EPHA6: variants seen among roughly 807,000 people sequenced by gnomAD.
EPHA6 encodes the protein EPH receptor A6.
In EPHA6, 50 loss-of-function variants were observed where a neutral mutation model predicts 112.0. The observed-to-expected ratio is 0.45, with a 90% confidence interval of 0.36 to 0.56. EPHA6 has a LOEUF of 0.56. EPHA6 is among the 20% of genes least tolerant of loss of function. EPHA6 has a pLI of 0.00. For synonymous variants in EPHA6, 529 were observed against 490.7 expected, an observed-to-expected ratio of 1.08 and a Z score of -1.03; for missense variants, 1,280 against 1,417.4, an observed-to-expected ratio of 0.90 and a Z score of 1.56.
At chr3:97,281,929 G>A (rs2080300110) in intron 5 of EPHA6, among the ~76,000 whole-genome samples, 1 of 152,110 alleles carries the variant, frequency 6.6e-6, no homozygotes. Flanking sequence ...ATCAGAAAAT[G>A]TTAGAAAATA....
intron 5 of EPHA6, among the ~76,000 whole-genome samples, chr3:97,317,815 C>T (rs1417461517): frequency 6.6e-6 from 1 of 151,800 alleles, no homozygotes; most frequent in Non-Finnish European, 1.5e-5. Flanking sequence ...ATTCCCAGTG[C>T]ACAAGGAGAC....
chr3:97,430,952 A>G (rs2089465376), intron 6 of EPHA6, among the ~76,000 whole-genome samples: 1 of 152,080 alleles, frequency 6.6e-6, no homozygotes, highest in African/African-American at 2.4e-5. Context: ...ATTTGCAGTG[A>G]CCTTGTAGAA....
chr3:97,050,963 T>C (rs192256015), intron 3 of EPHA6, among the ~76,000 whole-genome samples: 1 of 152,300 alleles, frequency 6.6e-6, no homozygotes, highest in East Asian at 1.9e-4. Flanking sequence ...TTGAATTTAC[T>C]TAGTCCTGGT....
intron 6 of EPHA6, among the ~76,000 whole-genome samples, chr3:97,422,940 G>GTA (rs1428248444): frequency 6.6e-6 from 1 of 152,146 alleles, no homozygotes; most frequent in Admixed American, 6.6e-5. Flanking sequence ...AAGGCTTTCA[G>GTA]TAAAATTCAA....
chr3:97,180,272 C>T (rs1307970188), intron 3 of EPHA6, among the ~76,000 whole-genome samples: 5 of 152,126 alleles, frequency 3.3e-5, no homozygotes, highest in Admixed American at 1.3e-4. Flanking sequence ...GGTACTCGTC[C>T]TTCAGGGCAT....
At chr3:97,390,406 T>A (rs2109058802) in intron 5 of EPHA6, among the ~76,000 whole-genome samples, 1 of 152,030 alleles carries the variant, frequency 6.6e-6, no homozygotes, top group South Asian at 2.1e-4. Context: ...TTCTGGAATA[T>A]ATATCCCATA....
intron 7 of EPHA6, among the ~76,000 whole-genome samples, chr3:97,452,107 C>T (rs893216501): frequency 6.6e-6 from 1 of 151,850 alleles, no homozygotes; most frequent in Admixed American, 6.6e-5. Flanking sequence ...TGACTGGCTA[C>T]TTGTGCTATA....
chr3:97,700,114 T>C (rs2033288230), intron 14 of EPHA6, among the ~76,000 whole-genome samples: 1 of 152,178 alleles, frequency 6.6e-6, no homozygotes, highest in Non-Finnish European at 1.5e-5. Flanking sequence ...AGCACAGCAA[T>C]TAAGAGATGT....
intron 3 of EPHA6, among the ~76,000 whole-genome samples, chr3:97,004,753 A>G (rs375315791): frequency 1.4e-4 from 22 of 152,054 alleles, no homozygotes; most frequent in Middle Eastern, 3.4e-3. Flanking sequence ...AGGTTTTCTT[A>G]TAGGGTTTTT....
In EPHA6 at chr3:97,088,215, CAT is replaced by C. The variant is rs755448611; in HGVS notation, c.1114+100223_1114+100224del. On this transcript the variant is annotated intron_variant, in intron 3 of 17. Coordinates refer to ENST00000389672, the MANE Select transcript of EPHA6 (RefSeq NM_001080448.3). ...TAATTAATTAACTCAATTGAAGAAA[CAT>C]GTTAAGGGGGGTTAAATCACTTGTT... Among the ~76,000 whole-genome samples the C allele has an allele frequency of 2.4e-4, 36 of 152,084 alleles. 2 individuals carry two copies. Among genetic ancestry groups the C allele is most frequent in the East Asian group, 2.1e-3 (11 of 5,158 alleles).
In EPHA6 at chr3:96,899,053, C is replaced by A. The variant is rs199516074; in HGVS notation, c.450+32164C>A. On this transcript the variant is annotated intron_variant, in intron 2 of 17. Transcript: ENST00000389672. ...AAAAAAAAAAACAAAAACAAACAAACAAAAAAAAAACAGGAATTTATTGCC... is the reference window on the plus strand; with the variant it reads ...AAAAAAAAAAACAAAAACAAACAAAAAAAAAAAAAACAGGAATTTATTGCC... 8.3e-3 allele frequency among the ~76,000 whole-genome samples: 1,072 copies of A among 129,724 alleles called. 8 individuals are homozygous for A. Among genetic ancestry groups the A allele is most frequent in the African/African-American group, 0.026 (940 of 35,966 alleles). The allele number at this position is 129,724 out of a possible 152,430, so 85.1% of individuals were successfully genotyped here.
intron 1 of EPHA6, among the ~76,000 whole-genome samples, chr3:96,839,053 A>T (rs2034580087): frequency 6.6e-6 from 1 of 152,128 alleles, no homozygotes; most frequent in Admixed American, 6.5e-5. Context: ...TTTAAAGCAA[A>T]ACTATTTGAG....
At chr3:97,033,564 A>T (rs1370224018) in intron 3 of EPHA6, among the ~76,000 whole-genome samples, 1 of 151,976 alleles carries the variant, frequency 6.6e-6, no homozygotes, top group Non-Finnish European at 1.5e-5. Context: ...TGGTAGCTGT[A>T]TGATAGTGTT....
Position 97,046,514 on chromosome 3 carries a change from T to C in EPHA6, c.1114+58521T>C, listed in dbSNP as rs2045513251. ...CAAGATGCCCACTACCACTACTTTG[T>C]TCAACGATTTGTTTGATGCACTCAT... On this transcript the variant is annotated intron_variant, in intron 3 of 17. Transcript: ENST00000389672. Among the ~76,000 whole-genome samples the C allele has an allele frequency of 2.0e-5, 3 of 152,186 alleles. No homozygotes were observed. The South Asian group carries it at 6.2e-4, about 31-fold the overall frequency.
At chr3:97,110,715 G>A (rs2047696992) in intron 3 of EPHA6, among the ~76,000 whole-genome samples, 1 of 151,812 alleles carries the variant, frequency 6.6e-6, no homozygotes. Context: ...TTTTAGTAGA[G>A]ATGGGATTTC....
At chr3:97,591,568 T>C (rs1201655596) in intron 11 of EPHA6, among the ~76,000 whole-genome samples, 1 of 151,382 alleles carries the variant, frequency 6.6e-6, no homozygotes, top group Non-Finnish European at 1.5e-5. Flanking sequence ...GTTTTGTTGG[T>C]GGGTGGGGGA....
In EPHA6 at chr3:96,820,408, C is replaced by CGT. The variant is rs1407143112; in HGVS notation, c.385+5400_385+5401insGT. On this transcript the variant is annotated intron_variant, in intron 1 of 17. Transcript: ENST00000389672. Reference sequence around the variant, plus strand: ...TGGGAGTCAGTTGCAGTTGTCCGGGCAAGATGTATGGTGGCCTGGCATAGA... The same window carrying CGT: ...TGGGAGTCAGTTGCAGTTGTCCGGGCGTAAGATGTATGGTGGCCTGGCATAGA... Among the ~76,000 whole-genome samples the CGT allele has an allele frequency of 7.3e-4, 110 of 151,702 alleles. 1 individual carries two copies. The highest frequency in any genetic ancestry group is 2.5e-3 in the African/African-American group (105 of 41,386).
chr3:96,910,601 T>C (rs773427488), intron 2 of EPHA6, among the ~76,000 whole-genome samples: 10 of 152,096 alleles, frequency 6.6e-5, no homozygotes, highest in Non-Finnish European at 1.3e-4. Context: ...TTCTGGCTTT[T>C]TTCCTATTCC....
At chr3:97,010,138 G>T in intron 3 of EPHA6, 1 of 1,224,418 alleles carries the variant, frequency 8.2e-7, no homozygotes, top group African/African-American at 1.6e-5. Flanking sequence ...GCCAAAATTT[G>T]TTTTGTTTTT....
Sources: gnomAD v4.1 joint callset for allele counts (sites outside exome capture counted in the v4.1 genomes callset) on GRCh38, gnomAD v4.1.1 for gene constraint, MANE v1.5 for transcripts, NCBI Gene and HGNC (gene_info 2026-07-23, HGNC 2026-07-21) for gene names.